Variants in RASAL2 observed in about 807,000 individuals in gnomAD.
RASAL2 encodes the protein ras GTPase-activating protein nGAP.
RASAL2 carries 58 observed loss-of-function variants against 128.9 expected under a neutral mutation model. That is an observed-to-expected ratio of 0.45 (90% CI 0.36 to 0.56). The LOEUF (loss-of-function observed/expected upper bound fraction) is 0.56, where lower values mean the gene tolerates loss of function less well. Among genes scored for constraint, RASAL2 ranks in the 20% least tolerant of loss-of-function variants. The pLI, the probability that RASAL2 is intolerant of heterozygous loss-of-function variation, is 0.00. For missense variants in RASAL2, 1,360 were observed against 1,601.6 expected (o/e 0.85, Z 2.57); for synonymous variants, 561 against 580.8 (o/e 0.97, Z 0.49).
rs1002598957 is a variant in RASAL2, at chr1:178,154,183, A to G, written c.202+59489A>G. 5.4e-5 allele frequency among the ~76,000 whole-genome samples: 8 copies of G among 149,418 alleles called. No individual in the cohort carries two copies. In the East Asian group the frequency reaches 7.8e-4, roughly 15 times the overall value. On this transcript the variant is annotated intron_variant, in intron 1 of 17. Transcript: ENST00000367649. ...TATTAAAGAGATGGGGTCTTGCTCT[A>G]TACTCCAGGCTGTAGTACAGTGGCA...
chr1:178,260,952 T>G (rs1665665062), intron 1 of RASAL2, among the ~76,000 whole-genome samples: 1 of 152,204 alleles, frequency 6.6e-6, no homozygotes, highest in African/African-American at 2.4e-5. Context: ...GAACTGTGAA[T>G]GCTAAATAGA....
intron 3 of RASAL2, among the ~76,000 whole-genome samples, chr1:178,326,897 C>T (rs568135486): frequency 6.6e-6 from 1 of 152,274 alleles, no homozygotes; most frequent in South Asian, 2.1e-4. Context: ...CCTATGTTAT[C>T]TTCTCTTACC....
intron 5 of RASAL2, among the ~76,000 whole-genome samples, chr1:178,430,860 A>G (rs962056076): frequency 2.6e-4 from 40 of 151,184 alleles, no homozygotes; most frequent in African/African-American, 8.7e-4. Context: ...TACGAATCCT[A>G]ACTTGCTGAC....
In RASAL2 at chr1:178,478,335, G is replaced by A. The variant is rs1004717494; in HGVS notation, c.*5096G>A. On this transcript the variant is annotated 3_prime_UTR_variant, in exon 18 of 18. Transcript: ENST00000367649. Reference sequence around the variant, plus strand: ...CATTTCAATTCCCAGTTCAACAAAAGGTTAAATACTAATTGACTCAATGAC... The same window carrying A: ...CATTTCAATTCCCAGTTCAACAAAAAGTTAAATACTAATTGACTCAATGAC... 1 of 152,102 alleles carries A rather than the reference G, an allele frequency of 6.6e-6. No homozygotes were observed. The allele number at this position is 152,102 out of a possible 1,614,324, so 9.4% of individuals were successfully genotyped here.
At chr1:178,445,967 A>C (rs1676970325) in intron 9 of RASAL2, among the ~76,000 whole-genome samples, 1 of 152,114 alleles carries the variant, frequency 6.6e-6, no homozygotes, top group Admixed American at 6.6e-5. Context: ...GTTTTGCCCA[A>C]AGTTTTGGGT....
chr1:178,214,303 A>C (rs1477078175), intron 1 of RASAL2, among the ~76,000 whole-genome samples: 1 of 151,946 alleles, frequency 6.6e-6, no homozygotes, highest in Non-Finnish European at 1.5e-5. Context: ...ATGGATGAAT[A>C]AATAAATAAA....
At chr1:178,334,142 C>T (rs749743650) in intron 3 of RASAL2, among the ~76,000 whole-genome samples, 11 of 152,054 alleles carry the variant, frequency 7.2e-5, no homozygotes, top group Admixed American at 3.3e-4. Context: ...CATTTCTTAT[C>T]GTGTTGAATT....
intron 1 of RASAL2, among the ~76,000 whole-genome samples, chr1:178,199,362 C>A (rs934460867): frequency 6.6e-6 from 1 of 152,176 alleles, no homozygotes; most frequent in Non-Finnish European, 1.5e-5. Flanking sequence ...GTTGGAAATG[C>A]AGAAATCACC....
intron 11 of RASAL2, among the ~76,000 whole-genome samples, chr1:178,453,398 GAA>G: frequency 7.3e-6 from 1 of 136,414 alleles, no homozygotes. Context: ...GTTCCAGAAA[GAA>G]AAAAAAAAAA....
chr1:178,452,761 C>G, intron 11 of RASAL2, 109 bp downstream of exon 11: 1 of 860,694 alleles, frequency 1.2e-6, no homozygotes, highest in Admixed American at 2.4e-5. Flanking sequence ...CAGATTTTCA[C>G]TGTGTTATTA....
rs988019595 is a variant in RASAL2, at chr1:178,421,851, T to A, written c.674+1231T>A. On this transcript the variant is annotated intron_variant, in intron 5 of 17. Transcript: ENST00000367649. ...TTGCAAGTCAGCCCAATTTGCATTA[T>A]ATTTATATTATTATCTCTTTTATAC... Among the ~76,000 whole-genome samples the A allele has an allele frequency of 1.1e-4, 16 of 152,190 alleles. No homozygotes were observed. In the East Asian group the frequency reaches 1.2e-3, roughly 11 times the overall value.
chr1:178,434,618 G>A (rs931864075), intron 5 of RASAL2, among the ~76,000 whole-genome samples: 7 of 152,076 alleles, frequency 4.6e-5, no homozygotes, highest in Admixed American at 4.6e-4. Context: ...ATAAAAATCA[G>A]TGAGTAATAT....
chr1:178,101,270 A>G (rs1658887323), intron 1 of RASAL2, among the ~76,000 whole-genome samples: 1 of 152,224 alleles, frequency 6.6e-6, no homozygotes, highest in African/African-American at 2.4e-5. Flanking sequence ...AGAAGTTATC[A>G]CTTTCCTAAT....
intron 1 of RASAL2, among the ~76,000 whole-genome samples, chr1:178,258,250 C>T (rs1235124137): frequency 1.4e-5 from 2 of 147,478 alleles, no homozygotes; most frequent in Non-Finnish European, 3.0e-5. Flanking sequence ...GCCAAGATCG[C>T]GCCACTGCAT....
At chr1:178,273,611 T>A (rs907796888) in intron 1 of RASAL2, among the ~76,000 whole-genome samples, 4 of 152,174 alleles carry the variant, frequency 2.6e-5, no homozygotes, top group African/African-American at 9.7e-5. Flanking sequence ...TTTGGGGAAA[T>A]TAATTTGGAG....
At chr1:178,219,632 G>GAAAAAAA (rs34519020) in intron 1 of RASAL2, among the ~76,000 whole-genome samples, 4 of 108,674 alleles carry the variant, frequency 3.7e-5, no homozygotes, top group Non-Finnish European at 7.8e-5. Flanking sequence ...TCTGCCTCAG[G>GAAAAAAA]AAAAAAAAAA....
At chr1:178,171,026 C>T (rs1297804146) in intron 1 of RASAL2, among the ~76,000 whole-genome samples, 2 of 151,800 alleles carry the variant, frequency 1.3e-5, no homozygotes, top group Non-Finnish European at 2.9e-5. Context: ...GTTTGCTTGT[C>T]TTTATGTCCT....
chr1:178,117,956 C>T (rs1160582397), intron 1 of RASAL2, among the ~76,000 whole-genome samples: 4 of 151,908 alleles, frequency 2.6e-5, no homozygotes, highest in East Asian at 3.9e-4. Flanking sequence ...CCTGAGGTCA[C>T]GAGTTCGAGA....
intron 3 of RASAL2, among the ~76,000 whole-genome samples, chr1:178,321,900 A>G (rs1318910653): frequency 1.3e-5 from 2 of 151,632 alleles, no homozygotes; most frequent in East Asian, 1.9e-4. Context: ...AGGCAGGAGA[A>G]TTGCTTGAAC....
Sources: gnomAD v4.1 joint callset for allele counts (sites outside exome capture counted in the v4.1 genomes callset) on GRCh38, gnomAD v4.1.1 for gene constraint, MANE v1.5 for transcripts, NCBI Gene and HGNC (gene_info 2026-07-23, HGNC 2026-07-21) for gene names.